Variants in CELF2 observed in about 807,000 individuals in gnomAD.
CELF2 encodes the protein CUGBP Elav-like family member 2.
In CELF2, 8 loss-of-function variants were observed where a neutral mutation model predicts 62.6. That is an observed-to-expected ratio of 0.13 (90% CI 0.07 to 0.23). The LOEUF (loss-of-function observed/expected upper bound fraction) is 0.23. CELF2 is among the 10% of genes least tolerant of loss of function. The pLI is 1.00. For synonymous variants in CELF2, 258 were observed against 250.0 expected (o/e 1.03, Z -0.30); for missense variants, 333 against 671.0 (o/e 0.50, Z 5.56).
At chr10:10,831,310 G>A (rs1293605623) in intron 1 of CELF2, among the ~76,000 whole-genome samples, 3 of 152,180 alleles carry the variant, frequency 2.0e-5, no homozygotes, top group Non-Finnish European at 4.4e-5. Context: ...TTGGCTGAAG[G>A]TCGTGACTCA....
intron 1 of CELF2, among the ~76,000 whole-genome samples, chr10:10,905,582 T>TA (rs11386664): frequency 0.54 from 77,961 of 143,700 alleles, 21,166 homozygotes; most frequent in Non-Finnish European, 0.59. Flanking sequence ...CATCTCTACT[T>TA]AAAAAAAAAA....
At chr10:10,788,468 T>TTTTG in the CELF2 span, among the ~76,000 whole-genome samples, 1 of 132,354 alleles carries the variant, frequency 7.6e-6, no homozygotes, top group Non-Finnish European at 1.6e-5. Flanking sequence ...TTTTTTTTTT[T>TTTTG]TTTTTTTTTT....
the CELF2 span, among the ~76,000 whole-genome samples, chr10:10,754,064 T>G: frequency 0.047 from 6,508 of 139,172 alleles, 188 homozygotes; most frequent in South Asian, 0.11. Context: ...TGAGGTGGTT[T>G]TTTTTTTTTT....
rs192869083 is a variant in CELF2 at position 11,176,295 on chromosome 10, G to T, written c.271+10613G>T. Among the ~76,000 whole-genome samples the T allele has an allele frequency of 5.3e-5, 8 of 152,324 alleles. No homozygotes were observed. The East Asian group carries it at 1.5e-3, about 29-fold the overall frequency. On this transcript the variant is annotated intron_variant, in intron 2 of 12. Transcript: ENST00000633077. ...GGGTTCTCCATTAAATCCAAGGACA[G>T]AAAATGTACAGTCCTCTTATTAGCA...
chr10:11,289,366 A>G (rs973362700), intron 9 of CELF2, among the ~76,000 whole-genome samples: 1 of 152,172 alleles, frequency 6.6e-6, no homozygotes, highest in African/African-American at 2.4e-5. Flanking sequence ...AGGATTAGCT[A>G]AGTGTTGGAA....
chr10:11,091,764 C>T (rs2048375798), intron 1 of CELF2, among the ~76,000 whole-genome samples: 1 of 152,130 alleles, frequency 6.6e-6, no homozygotes, highest in South Asian at 2.1e-4. Flanking sequence ...ATAAAATTAC[C>T]ATGAATGACT....
chr10:10,943,074 T>C (rs1442866301), intron 2 of CELF2, among the ~76,000 whole-genome samples: 3 of 152,210 alleles, frequency 2.0e-5, no homozygotes, highest in African/African-American at 7.2e-5. Flanking sequence ...ACCTGCTGCC[T>C]GTTAACCAAC....
the CELF2 span, among the ~76,000 whole-genome samples, chr10:10,723,922 A>T: frequency 6.6e-6 from 1 of 152,194 alleles, no homozygotes; most frequent in East Asian, 1.9e-4. Context: ...TTTTTAAAAA[A>T]ATGCAACTAT....
chr10:10,837,127 A>T (rs1274680128), intron 1 of CELF2, among the ~76,000 whole-genome samples: 1 of 152,150 alleles, frequency 6.6e-6, no homozygotes, highest in Non-Finnish European at 1.5e-5. Flanking sequence ...TCCCCACCCA[A>T]ATCTCATTTT....
chr10:11,229,073 C>T (rs1196607945), intron 3 of CELF2, among the ~76,000 whole-genome samples: 1 of 152,110 alleles, frequency 6.6e-6, no homozygotes, highest in Non-Finnish European at 1.5e-5. Context: ...GAAGCTGGAG[C>T]CCAGGAAGGT....
intron 1 of CELF2, among the ~76,000 whole-genome samples, chr10:11,137,143 A>G (rs1379141048): frequency 6.6e-6 from 1 of 152,232 alleles, no homozygotes; most frequent in Non-Finnish European, 1.5e-5. Flanking sequence ...ATACAATGTG[A>G]TATCAGAATA....
intron 1 of CELF2, among the ~76,000 whole-genome samples, chr10:11,007,179 A>T (rs2055427311): frequency 6.6e-6 from 1 of 152,226 alleles, no homozygotes; most frequent in Admixed American, 6.5e-5. Context: ...ACCTCATTTT[A>T]AAAAACAGAG....
chr10:11,330,206 A>G lies in CELF2; in HGVS notation c.*1153A>G, dbSNP rs1352389724. On this transcript the variant is annotated 3_prime_UTR_variant, in exon 13 of 13. Transcript: ENST00000633077. This position sits in a 1 kb window ranked among gnomAD's most constrained non-coding sequence, Gnocchi z 4.5. Reference sequence around the variant, plus strand: ...CGTATGTCACATTTGTTGAAACTGGACCTTCTCCCCCTGTCCCTCACCCCA... The same window carrying G: ...CGTATGTCACATTTGTTGAAACTGGGCCTTCTCCCCCTGTCCCTCACCCCA... 6.6e-6 allele frequency: 1 copy of G among 152,518 alleles called. No individual in the cohort carries two copies. Among genetic ancestry groups the G allele is most frequent in the Non-Finnish European group, 1.5e-5 (1 of 68,026 alleles). The allele number at this position is 152,518 out of a possible 1,614,324, so 9.4% of individuals were successfully genotyped here.
In CELF2 at chr10:11,325,395, A is replaced by G. The variant is rs1304778950; in HGVS notation, c.1295-441A>G. 2.0e-5 allele frequency among the ~76,000 whole-genome samples: 3 copies of G among 152,390 alleles called. No homozygotes were observed. The East Asian group carries it at 5.8e-4, about 29-fold the overall frequency. The stretch of plus-strand genomic sequence containing the variant: ...GAGAAATCGGAGCAGCATTACTGCT[A>G]CATCCATTATTGTCAATTGTTACAA... On this transcript the variant is annotated intron_variant, in intron 11 of 12. Transcript: ENST00000633077.
At chr10:10,790,518 C>T in the CELF2 span, among the ~76,000 whole-genome samples, 2 of 152,006 alleles carry the variant, frequency 1.3e-5, no homozygotes, top group East Asian at 1.9e-4. Flanking sequence ...TGAGAACTAA[C>T]GTGGGAATTA....
chr10:11,061,082 G>A (rs375923140), intron 1 of CELF2, among the ~76,000 whole-genome samples: 8 of 152,310 alleles, frequency 5.3e-5, no homozygotes, highest in East Asian at 3.9e-4. Context: ...AGAAAGGCAC[G>A]TCAAAAGCTG....
chr10:11,211,120 A>G lies in CELF2; in HGVS notation c.272-6305A>G, dbSNP rs951462639. ...AGCAAGACCCAGTCTCTACTAAATA[A>G]TTTAAAAATTAGCCTGGTGTAGTGG... On this transcript the variant is annotated intron_variant, in intron 2 of 12. Coordinates refer to ENST00000633077, the MANE Select transcript of CELF2 (RefSeq NM_001326342.2). This position sits in a 1 kb window ranked among gnomAD's most constrained non-coding sequence, Gnocchi z 4.8. Among the ~76,000 whole-genome samples, 2 of 152,192 alleles carry G rather than the reference A, an allele frequency of 1.3e-5. No homozygotes were observed. The highest frequency in any genetic ancestry group is 2.4e-5 in the African/African-American group (1 of 41,458).
At chr10:10,924,234 A>G (rs1322738472) in intron 2 of CELF2, among the ~76,000 whole-genome samples, 1 of 132,946 alleles carries the variant, frequency 7.5e-6, no homozygotes, top group Non-Finnish European at 1.5e-5. Context: ...GTGAGCCGAG[A>G]TCGCGCCACT....
intron 1 of CELF2, among the ~76,000 whole-genome samples, chr10:11,037,848 A>G (rs904359680): frequency 1.3e-5 from 2 of 152,168 alleles, no homozygotes; most frequent in Non-Finnish European, 2.9e-5. Context: ...ATGATTTTAA[A>G]TTTAATTTTT....
Sources: allele counts gnomAD v4.1 joint callset (sites outside exome capture counted in the v4.1 genomes callset), GRCh38; gene constraint gnomAD v4.1.1; non-coding constraint Gnocchi (gnomAD v3.1); transcripts MANE v1.5; gene names NCBI Gene and HGNC (gene_info 2026-07-23, HGNC 2026-07-21).